Variants in NKAIN2 observed in about 807,000 individuals in gnomAD.
The protein encoded by NKAIN2 is sodium/potassium transporting ATPase interacting 2, also known as sodium/potassium-transporting ATPase subunit beta-1-interacting protein 2.
NKAIN2 carries 14 observed loss-of-function variants against 32.6 expected under a neutral mutation model. The ratio of observed to expected loss-of-function variants is 0.43; its 90% CI spans 0.28 to 0.67. The LOEUF is 0.67. NKAIN2 is among the 30% of genes least tolerant of loss of function. NKAIN2 has a pLI of 0.17. For synonymous variants in NKAIN2, 80 were observed against 87.2 expected (o/e 0.92, Z 0.46); for missense variants, 198 against 258.3 (o/e 0.77, Z 1.60).
At chr6:124,548,574 C>A (rs1382490775) in intron 3 of NKAIN2, among the ~76,000 whole-genome samples, 1 of 152,150 alleles carries the variant, frequency 6.6e-6, no homozygotes, top group Non-Finnish European at 1.5e-5. Flanking sequence ...AAGAGTGTTA[C>A]CTTCAGAGAG....
intron 1 of NKAIN2, among the ~76,000 whole-genome samples, chr6:124,239,836 C>A (rs769595959): frequency 6.6e-6 from 1 of 152,058 alleles, no homozygotes; most frequent in Non-Finnish European, 1.5e-5. Context: ...ATTAAAAGAA[C>A]TAGAGCAGCA....
intron 3 of NKAIN2, among the ~76,000 whole-genome samples, chr6:124,455,574 G>A (rs931517650): frequency 1.3e-5 from 2 of 151,838 alleles, no homozygotes; most frequent in Non-Finnish European, 2.9e-5. Context: ...ATCCCCCAGA[G>A]TTCCTTTTTA....
chr6:124,817,048 T>C (rs4316024), intron 5 of NKAIN2, among the ~76,000 whole-genome samples: 102,231 of 151,976 alleles, frequency 0.67, 34,615 homozygotes, highest in African/African-American at 0.7. Context: ...GGATGGCTTG[T>C]CTCTGTTCTC....
intron 1 of NKAIN2, among the ~76,000 whole-genome samples, chr6:123,960,369 TC>T (rs1390145197): frequency 6.6e-6 from 1 of 152,164 alleles, no homozygotes; most frequent in Non-Finnish European, 1.5e-5. Context: ...CCTCTTCTCC[TC>T]TAGATTTTCT....
intron 3 of NKAIN2, among the ~76,000 whole-genome samples, chr6:124,556,086 CAAAAAAAA>C (rs10592574): frequency 3.0e-5 from 4 of 135,130 alleles, no homozygotes; most frequent in African/African-American, 8.1e-5. Context: ...GTTTGCTATG[CAAAAAAAA>C]AAAAAAAAAA....
intron 3 of NKAIN2, among the ~76,000 whole-genome samples, chr6:124,655,338 C>A (rs1483544772): frequency 6.6e-6 from 1 of 151,940 alleles, no homozygotes; most frequent in Admixed American, 6.6e-5. Context: ...GCTATCATCT[C>A]CATTTTTTTG....
At chr6:123,824,468 A>G (rs1392299464) in intron 1 of NKAIN2, among the ~76,000 whole-genome samples, 1 of 152,118 alleles carries the variant, frequency 6.6e-6, no homozygotes, top group Non-Finnish European at 1.5e-5. Context: ...CTACAATTCA[A>G]AAGAGTAGCA....
chr6:124,644,962 TTGTTTAAA>T (rs1253990109), intron 3 of NKAIN2, among the ~76,000 whole-genome samples: 2 of 152,220 alleles, frequency 1.3e-5, no homozygotes, highest in East Asian at 3.8e-4. Context: ...CAGAGACTTC[TTGTTTAAA>T]TGTCTACAGG....
At chr6:124,621,176 A>G (rs1783093649) in intron 3 of NKAIN2, among the ~76,000 whole-genome samples, 1 of 152,166 alleles carries the variant, frequency 6.6e-6, no homozygotes, top group African/African-American at 2.4e-5. Context: ...GGTAATTCTA[A>G]CATGTATCCA....
intron 4 of NKAIN2, among the ~76,000 whole-genome samples, chr6:124,703,449 G>C (rs892761527): frequency 6.6e-6 from 1 of 152,008 alleles, no homozygotes; most frequent in African/African-American, 2.4e-5. Context: ...CTGATATTTA[G>C]TTTGGCTATT....
chr6:124,482,072 C>A (rs1777474982), intron 3 of NKAIN2, among the ~76,000 whole-genome samples: 1 of 151,960 alleles, frequency 6.6e-6, no homozygotes, highest in Non-Finnish European at 1.5e-5. Flanking sequence ...AGTTTTAAAC[C>A]CTCAAAAATT....
At chr6:124,700,190 A>G (rs537585887) in intron 4 of NKAIN2, among the ~76,000 whole-genome samples, 2 of 152,330 alleles carry the variant, frequency 1.3e-5, no homozygotes, top group Admixed American at 1.3e-4. Context: ...TGTTCTACAC[A>G]TGAATATTAT....
At chr6:124,406,598 A>G (rs1475560784) in intron 3 of NKAIN2, among the ~76,000 whole-genome samples, 1 of 152,106 alleles carries the variant, frequency 6.6e-6, no homozygotes, top group Non-Finnish European at 1.5e-5. Flanking sequence ...GTTAATTCCC[A>G]GTGGTATAAT....
At chr6:123,987,818 G>A (rs551284609) in intron 1 of NKAIN2, among the ~76,000 whole-genome samples, 83 of 152,144 alleles carry the variant, frequency 5.5e-4, no homozygotes, top group South Asian at 1.0e-3. Context: ...AAGCACCACC[G>A]AAGATAATTC....
intron 3 of NKAIN2, among the ~76,000 whole-genome samples, chr6:124,598,734 G>A (rs1308879354): frequency 6.6e-6 from 1 of 150,498 alleles, no homozygotes; most frequent in East Asian, 1.9e-4. Flanking sequence ...TAGCACTTAA[G>A]AACCTAAACC....
intron 3 of NKAIN2, among the ~76,000 whole-genome samples, chr6:124,461,601 A>G (rs536387440): frequency 2.0e-5 from 3 of 151,824 alleles, no homozygotes; most frequent in Non-Finnish European, 4.4e-5. Context: ...AATTATATAT[A>G]CATATTAAAA....
intron 1 of NKAIN2, among the ~76,000 whole-genome samples, chr6:124,220,450 C>T (rs893384741): frequency 3.6e-5 from 3 of 83,480 alleles, no homozygotes; most frequent in Admixed American, 1.2e-4. Flanking sequence ...ATGCACTCTC[C>T]TTTTTTTTCC....
intron 3 of NKAIN2, among the ~76,000 whole-genome samples, chr6:124,573,213 G>A (rs1334881996): frequency 6.6e-6 from 1 of 152,210 alleles, no homozygotes; most frequent in Non-Finnish European, 1.5e-5. Flanking sequence ...ATACACAAAA[G>A]CATGAAGCAG....
chr6:124,795,537 C>T (rs1282536743), intron 5 of NKAIN2, among the ~76,000 whole-genome samples: 1 of 152,012 alleles, frequency 6.6e-6, no homozygotes, highest in Non-Finnish European at 1.5e-5. Flanking sequence ...CTTCTAGGGC[C>T]CAGTTTGATT....
Sources: gnomAD v4.1 joint callset for allele counts (sites outside exome capture counted in the v4.1 genomes callset) on GRCh38, gnomAD v4.1.1 for gene constraint, MANE v1.5 for transcripts, NCBI Gene and HGNC (gene_info 2026-07-23, HGNC 2026-07-21) for gene names.